Variants in TACC2 observed in about 807,000 individuals in gnomAD.
TACC2 encodes the protein transforming acidic coiled-coil-containing protein 2.
TACC2 carries 137 observed loss-of-function variants against 227.3 expected under a neutral mutation model. The observed-to-expected ratio is 0.60, with a 90% confidence interval of 0.52 to 0.69. The LOEUF is 0.69. Ranked by LOEUF, TACC2 falls within the 30% of genes least tolerant of loss-of-function variation. The pLI, the probability that TACC2 is intolerant of heterozygous loss-of-function variation, is 0.00. For synonymous variants in TACC2, 1,523 were observed against 1,487.5 expected, an observed-to-expected ratio of 1.02 and a Z score of -0.55; for missense variants, 3,470 against 3,694.4, an observed-to-expected ratio of 0.94 and a Z score of 1.57.
chr10:122,095,621 G>C (rs931839356), intron 5 of TACC2, among the ~76,000 whole-genome samples: 1 of 152,216 alleles, frequency 6.6e-6, no homozygotes, highest in Non-Finnish European at 1.5e-5. Context: ...AAGCTAATAA[G>C]AGTTGGAACT....
intron 22 of TACC2, among the ~76,000 whole-genome samples, chr10:122,252,258 C>T (rs555540323): frequency 1.4e-4 from 21 of 152,334 alleles, no homozygotes; most frequent in African/African-American, 4.6e-4. Flanking sequence ...CCACATCTGA[C>T]TGGCTGTGTG....
At chr10:122,037,486 C>T (rs189978941) in intron 2 of TACC2, among the ~76,000 whole-genome samples, 6 of 152,348 alleles carry the variant, frequency 3.9e-5, no homozygotes, top group South Asian at 2.1e-4. Context: ...CTGGGCTCAG[C>T]GGACTTGAGA....
At chr10:122,237,599 G>GT in intron 17 of TACC2, 61 bp downstream of exon 17, 1 of 1,565,912 alleles carries the variant, frequency 6.4e-7, no homozygotes, top group Non-Finnish European at 8.7e-7. Context: ...TATGCTCGTG[G>GT]TCCACAAAGC....
chr10:122,018,235 T>C (rs973149469), intron 1 of TACC2, among the ~76,000 whole-genome samples: 2 of 152,158 alleles, frequency 1.3e-5, no homozygotes, highest in African/African-American at 4.8e-5. Flanking sequence ...TGGTTTTCTG[T>C]TCCTGTGTTA....
intron 17 of TACC2, among the ~76,000 whole-genome samples, 172 bp downstream of exon 17, chr10:122,237,710 C>G (rs1360476021): frequency 6.6e-6 from 1 of 152,194 alleles, no homozygotes; most frequent in East Asian, 1.9e-4. Flanking sequence ...TGTAATGGGC[C>G]TTTTGGCCTT....
chr10:122,206,925 G>T (rs187050718), intron 8 of TACC2, among the ~76,000 whole-genome samples: 25 of 152,318 alleles, frequency 1.6e-4, no homozygotes, highest in African/African-American at 5.5e-4. Flanking sequence ...TTTGTGGAAT[G>T]AACAAATGAA....
rs1212493882 is a variant in TACC2 at position 122,022,009 on chromosome 10, A to C, written c.28A>C (p.Asn10His). 1.2e-6 allele frequency: 2 copies of C among 1,614,176 alleles called. No homozygotes were observed. The highest frequency in any genetic ancestry group is 1.7e-6 in the Non-Finnish European group (2 of 1,180,016). The change falls in exon 2 of 23, where the codon AAC becomes CAC. Residue 10 changes from asparagine to histidine, a missense_variant. Physicochemically the swap from Asn to His is moderately conservative, Grantham distance 68 (BLOSUM62 1). Around this residue, in one of 10 missense-constraint regions of TACC2, gnomAD observed 405 missense variants for 389.6 expected, o/e 1.04. Coordinates refer to ENST00000369005, the MANE Select transcript of TACC2 (RefSeq NM_206862.4). ...GGGCAATGAGAACAGCACCTCGGAC[A>C]ACCAGGTGGGTGTCAGGAAGCTTCT... MGNENSTSD[N>H]QRTLSAQTPR...
intron 7 of TACC2, among the ~76,000 whole-genome samples, chr10:122,188,674 C>T (rs929196879): frequency 5.3e-5 from 8 of 152,206 alleles, no homozygotes; most frequent in Non-Finnish European, 1.0e-4. Context: ...GCATGGGACT[C>T]CTCAATCTGC....
At chr10:122,129,657 G>T (rs900999075) in intron 5 of TACC2, among the ~76,000 whole-genome samples, 2 of 152,320 alleles carry the variant, frequency 1.3e-5, no homozygotes, top group Admixed American at 6.5e-5. Context: ...CCTGTAGTTT[G>T]CCTGTAGTTT....
chr10:122,019,934 G>T (rs966059504), intron 1 of TACC2: 1 of 152,216 alleles, frequency 6.6e-6, no homozygotes, highest in Non-Finnish European at 1.5e-5. Flanking sequence ...GGGAAAGCCG[G>T]AGAGGGTGGT....
chr10:122,196,610 A>T (rs530622258), intron 8 of TACC2, among the ~76,000 whole-genome samples: 28 of 152,304 alleles, frequency 1.8e-4, no homozygotes, highest in African/African-American at 6.7e-4. Context: ...ATTTTTAAAA[A>T]CTTACCCATA....
rs1292312829 is a variant in TACC2, at chr10:122,141,091, G to T, written c.5700-2481G>T. 6.6e-6 allele frequency among the ~76,000 whole-genome samples: 1 copy of T among 152,182 alleles called. No individual in the cohort carries two copies. Among genetic ancestry groups the T allele is most frequent in the Non-Finnish European group, 1.5e-5 (1 of 68,040 alleles). ...ACTCAGCAGGAAGGGGTGATGAGGG[G>T]CATGGGAATGAGAGAACTGGAAGTC... On this transcript the variant is annotated intron_variant, in intron 6 of 22. Coordinates refer to ENST00000369005, the MANE Select transcript of TACC2 (RefSeq NM_206862.4). The surrounding 1 kb of genome is among the most constrained non-coding windows in gnomAD (Gnocchi z 4.3).
chr10:122,189,756 A>G (rs2094344051), intron 7 of TACC2, among the ~76,000 whole-genome samples: 1 of 152,228 alleles, frequency 6.6e-6, no homozygotes, highest in Non-Finnish European at 1.5e-5. Context: ...TAAACTTTAG[A>G]TTTCCAGGAT....
chr10:122,132,031 A>C (rs1003360334), intron 5 of TACC2, among the ~76,000 whole-genome samples: 3 of 31,894 alleles, frequency 9.4e-5, no homozygotes, highest in African/African-American at 2.5e-4. Flanking sequence ...AAAAAGAAAG[A>C]AAAAGAAAGA....
chr10:122,241,356 A>G (rs1589881302), intron 18 of TACC2, among the ~76,000 whole-genome samples: 1 of 152,146 alleles, frequency 6.6e-6, no homozygotes, highest in African/African-American at 2.4e-5. Context: ...CAGTGGCACA[A>G]TCATAGCTCA....
chr10:122,199,281 G>A (rs535918441), intron 8 of TACC2, among the ~76,000 whole-genome samples: 1 of 152,372 alleles, frequency 6.6e-6, no homozygotes, highest in Non-Finnish European at 1.5e-5. Context: ...CCAGGCACTC[G>A]TTGTGCTCTA....
intron 8 of TACC2, among the ~76,000 whole-genome samples, chr10:122,206,091 C>G (rs911779): frequency 3.3e-3 from 452 of 136,552 alleles, no homozygotes; most frequent in South Asian, 5.8e-3. Context: ...CACTGGGGGG[C>G]GGGGGGAAAG....
chr10:122,025,865 C>T (rs1456815007), intron 2 of TACC2, among the ~76,000 whole-genome samples: 3 of 151,642 alleles, frequency 2.0e-5, no homozygotes, highest in African/African-American at 4.8e-5. Context: ...TAAGCCACTG[C>T]ACCCCGGCCT....
intron 2 of TACC2, among the ~76,000 whole-genome samples, chr10:122,049,975 C>T (rs1349130009): frequency 6.6e-6 from 1 of 152,146 alleles, no homozygotes; most frequent in Admixed American, 6.5e-5. Context: ...TCATGGTTTT[C>T]TTCTTCCGGT....
Sources: gnomAD v4.1 joint callset for allele counts (sites outside exome capture counted in the v4.1 genomes callset) on GRCh38, gnomAD v4.1.1 for gene constraint, gnomAD v4.1.1 regional missense constraint, Gnocchi (gnomAD v3.1) non-coding constraint, MANE v1.5 for transcripts, NCBI Gene and HGNC (gene_info 2026-07-23, HGNC 2026-07-21) for gene names.